The following NRG1 variants were observed in gnomAD, a reference collection of about 807,000 sequenced individuals.
NRG1 encodes the protein neuregulin 1.
A neutral mutation model predicts 63.8 loss-of-function variants in NRG1; 18 were observed. That is an observed-to-expected ratio of 0.28 (90% confidence interval 0.19 to 0.42). The LOEUF is 0.42. Ranked by LOEUF, NRG1 falls within the 10% of genes least tolerant of loss-of-function variation. The pLI is 1.00. For missense variants in NRG1, 762 were observed against 814.7 expected, an observed-to-expected ratio of 0.94 and a Z score of 0.79; for synonymous variants, 302 against 301.3, an observed-to-expected ratio of 1.00 and a Z score of -0.02.
intron 1 of NRG1, among the ~76,000 whole-genome samples, chr8:32,124,049 CT>C (rs139259292): frequency 0.032 from 4,929 of 152,014 alleles, 129 homozygotes; most frequent in South Asian, 0.075. Flanking sequence ...CGTTTTCTCT[CT>C]TTTCCCTTTA....
chr8:32,258,169 G>A (rs1029055099), intron 1 of NRG1, among the ~76,000 whole-genome samples: 1 of 152,120 alleles, frequency 6.6e-6, no homozygotes, highest in African/African-American at 2.4e-5. Context: ...TCTCCTGAAG[G>A]CTTCCTTATG....
chr8:32,481,483 A>G (rs1216626535), intron 1 of NRG1, among the ~76,000 whole-genome samples: 1 of 152,266 alleles, frequency 6.6e-6, no homozygotes, highest in African/African-American at 2.4e-5. Flanking sequence ...GCAAAGCAAG[A>G]AAAGTTAGCC....
chr8:32,632,581 C>G lies in NRG1; in HGVS notation c.502+15696C>G, dbSNP rs551230630. 4.7e-5 allele frequency among the ~76,000 whole-genome samples: 7 copies of G among 149,150 alleles called. No homozygotes were observed. In the South Asian group the frequency reaches 1.5e-3, roughly 31 times the overall value. ...AAAAAAAAAAAATGGACATGTCACA[C>G]AGTGACAATGTTCAGTGTTATGATT... On this transcript the variant is annotated intron_variant, in intron 5 of 11. Transcript: ENST00000356819.
intron 1 of NRG1, among the ~76,000 whole-genome samples, chr8:32,489,329 G>A (rs1294201598): frequency 6.6e-6 from 1 of 152,122 alleles, no homozygotes; most frequent in Non-Finnish European, 1.5e-5. Context: ...ATATGTGTGA[G>A]CCCCCTGCCC....
intron 2 of NRG1, among the ~76,000 whole-genome samples, chr8:32,596,814 C>A (rs1843450209): frequency 6.6e-6 from 1 of 152,074 alleles, no homozygotes; most frequent in South Asian, 2.1e-4. Flanking sequence ...TTTTAACTGA[C>A]ACTGCTGATA....
intron 1 of NRG1, among the ~76,000 whole-genome samples, chr8:32,105,951 C>T (rs539728229): frequency 1.4e-4 from 21 of 152,262 alleles, no homozygotes; most frequent in African/African-American, 3.6e-4. Context: ...GGAAATTCAT[C>T]TGGAAACTTA....
At chr8:31,781,930 T>C (rs1449187087) in intron 1 of NRG1, among the ~76,000 whole-genome samples, 1 of 152,156 alleles carries the variant, frequency 6.6e-6, no homozygotes, top group Non-Finnish European at 1.5e-5. Flanking sequence ...GAGGAGACTT[T>C]CTGTGGCTAA....
chr8:31,824,020 T>A (rs1586654507), intron 1 of NRG1, among the ~76,000 whole-genome samples: 1 of 152,210 alleles, frequency 6.6e-6, no homozygotes, highest in Admixed American at 6.5e-5. Context: ...TTCTTTTTTT[T>A]TATATTTTTT....
intron 1 of NRG1, among the ~76,000 whole-genome samples, chr8:32,059,700 G>T (rs1313143208): frequency 1.3e-5 from 2 of 151,796 alleles, no homozygotes; most frequent in African/African-American, 4.8e-5. Context: ...ATTATTTTAG[G>T]TATTTACATG....
intron 1 of NRG1, among the ~76,000 whole-genome samples, chr8:32,427,518 A>G (rs866406497): frequency 6.6e-6 from 1 of 152,216 alleles, no homozygotes; most frequent in Non-Finnish European, 1.5e-5. Context: ...AGAGCCAAAG[A>G]CAGCTTGTGC....
At chr8:32,120,112 C>T (rs1202609327) in intron 1 of NRG1, among the ~76,000 whole-genome samples, 1 of 152,020 alleles carries the variant, frequency 6.6e-6, no homozygotes, top group East Asian at 1.9e-4. Flanking sequence ...AAATCCTATT[C>T]CCTGTTAATT....
chr8:31,941,536 TAGCC>T, intron 1 of NRG1, among the ~76,000 whole-genome samples: 1 of 152,222 alleles, frequency 6.6e-6, no homozygotes, highest in Non-Finnish European at 1.5e-5. Context: ...CCAGGAATCT[TAGCC>T]AGAGCAATCA....
intron 1 of NRG1, among the ~76,000 whole-genome samples, chr8:32,241,778 C>T (rs7842747): frequency 1.3e-5 from 2 of 150,754 alleles, no homozygotes. Context: ...TTTGAGACGG[C>T]GTCTTGCTCT....
At chr8:31,855,695 T>G (rs1440054276) in intron 1 of NRG1, among the ~76,000 whole-genome samples, 1 of 152,216 alleles carries the variant, frequency 6.6e-6, no homozygotes, top group Non-Finnish European at 1.5e-5. Context: ...TTGATGCAGT[T>G]TCTTCCTAGT....
chr8:32,614,942 AAC>A (rs1399849995), intron 4 of NRG1, among the ~76,000 whole-genome samples: 2 of 152,112 alleles, frequency 1.3e-5, no homozygotes, highest in Non-Finnish European at 2.9e-5. Flanking sequence ...GTAATTTGTC[AAC>A]ATCTGATCCG....
intron 1 of NRG1, among the ~76,000 whole-genome samples, chr8:31,939,697 C>T (rs1057507247): frequency 2.0e-5 from 3 of 151,982 alleles, no homozygotes; most frequent in African/African-American, 7.3e-5. Flanking sequence ...CATAAGGACT[C>T]ACATCAACTT....
At chr8:31,673,005 T>C (rs1408988766) in intron 1 of NRG1, among the ~76,000 whole-genome samples, 1 of 151,402 alleles carries the variant, frequency 6.6e-6, no homozygotes, top group Admixed American at 6.6e-5. Context: ...TGGAAAATAA[T>C]ATTACCACAT....
intron 1 of NRG1, among the ~76,000 whole-genome samples, chr8:31,923,439 C>T (rs1426530190): frequency 2.0e-5 from 3 of 152,026 alleles, no homozygotes; most frequent in Non-Finnish European, 2.9e-5. Context: ...TAATAATACC[C>T]TTGTGATAGC....
intron 1 of NRG1, among the ~76,000 whole-genome samples, chr8:32,233,587 A>G (rs191234624): frequency 0.012 from 1,446 of 121,214 alleles, 30 homozygotes; most frequent in African/African-American, 0.037. Flanking sequence ...TTCTTTTGAA[A>G]CGGTGTCTCA....
Sources: gnomAD v4.1 joint callset for allele counts (sites outside exome capture counted in the v4.1 genomes callset) on GRCh38, gnomAD v4.1.1 for gene constraint, MANE v1.5 for transcripts, NCBI Gene and HGNC (gene_info 2026-07-23, HGNC 2026-07-21) for gene names.